Variants in RELT observed in about 807,000 individuals in gnomAD.
The protein encoded by RELT is RELT TNF receptor, also known as tumor necrosis factor receptor superfamily member 19L.
A neutral mutation model predicts 51.1 loss-of-function variants in RELT; 37 were observed. That is an observed-to-expected ratio of 0.72 (90% CI 0.56 to 0.95). The LOEUF (loss-of-function observed/expected upper bound fraction) is 0.95. Ranked by LOEUF, RELT falls within the 40% of genes least tolerant of loss-of-function variation. The pLI, the probability that RELT is intolerant of heterozygous loss-of-function variation, is 0.00. For synonymous variants in RELT, 241 were observed against 235.7 expected (o/e 1.02, Z -0.21); for missense variants, 535 against 572.6 (o/e 0.93, Z 0.67).
In RELT at chr11:73,389,151, G is replaced by C; in HGVS notation, c.15G>C (p.Leu5=). MKPS[L]LCRPLSCFLM... The stretch of plus-strand genomic sequence containing the variant: ...GGGGCCTGAGGATGAAGCCAAGTCT[G>C]CTGTGCCGGCCCCTGTCCTGCTTCC... The change falls in exon 2 of 11, where the codon CTG becomes CTC. Residue 5 remains leucine (L), a synonymous_variant. Coordinates refer to ENST00000064780, the MANE Select transcript of RELT (RefSeq NM_152222.2). The C allele has an allele frequency of 6.4e-7, 1 of 1,551,678 alleles. No individual in the cohort carries two copies. The highest frequency in any genetic ancestry group is 8.7e-7 in the Non-Finnish European group (1 of 1,148,240).
chr11:73,387,669 G>A (rs1866146491), intron 1 of RELT, among the ~76,000 whole-genome samples: 1 of 152,196 alleles, frequency 6.6e-6, no homozygotes, highest in Admixed American at 6.5e-5. Flanking sequence ...CCTCCCCTGA[G>A]TGTAACTCAA....
At chr11:73,390,967 G>A in intron 4 of RELT, 46 bp downstream of exon 4, 1 of 1,594,756 alleles carries the variant, frequency 6.3e-7, no homozygotes, top group Non-Finnish European at 8.5e-7. Context: ...GGGTGACCAG[G>A]ACTCTGGATC....
intron 5 of RELT, chr11:73,391,847 G>A: frequency 2.6e-6 from 1 of 390,682 alleles, no homozygotes; most frequent in Admixed American, 3.8e-5. Flanking sequence ...TCCCGCCACT[G>A]AGTCAGTCAC....
intron 1 of RELT, among the ~76,000 whole-genome samples, chr11:73,379,066 G>T (rs947472511): frequency 6.6e-6 from 1 of 152,160 alleles, no homozygotes; most frequent in African/African-American, 2.4e-5. Flanking sequence ...ACCCCTTTTG[G>T]CTCTGACCAC....
intron 1 of RELT, among the ~76,000 whole-genome samples, chr11:73,378,470 C>T (rs886358534): frequency 9.2e-5 from 14 of 152,312 alleles, no homozygotes; most frequent in East Asian, 3.9e-4. Flanking sequence ...ATCAGAGAAG[C>T]AAAGTGACTT....
rs573798603 is a variant in RELT at position 73,392,013 on chromosome 11, C to G, written c.368-198C>G. On this transcript the variant is annotated intron_variant, in intron 5 of 10. Coordinates refer to ENST00000064780, the MANE Select transcript of RELT (RefSeq NM_152222.2). ...CTGGCCGTCCTGAGGAGGCCTTGTTCAGGACAATGCTTCGATGGCCAGAAG... is the reference window on the plus strand; with the variant it reads ...CTGGCCGTCCTGAGGAGGCCTTGTTGAGGACAATGCTTCGATGGCCAGAAG... The G allele has an allele frequency of 1.7e-5, 11 of 662,662 alleles. No individual in the cohort carries two copies. The East Asian group carries it at 3.0e-4, about 18-fold the overall frequency. 41.0% of individuals were successfully genotyped at this position (662,662 alleles called of 1,614,324 possible). A position where few individuals can be genotyped will look rare whatever the true frequency, so the allele number is the denominator to read the frequency against.
rs1019685544 is a variant in RELT, at chr11:73,388,052, T to G, written c.-25-1060T>G. ...CTGATGTGAATCCTTTGTCCTGCTG[T>G]GTCCGCCTCGTCCACTGGCCGGAGG... On this transcript the variant is annotated intron_variant, in intron 1 of 10. Transcript: ENST00000064780. The surrounding 1 kb of genome is among the most constrained non-coding windows in gnomAD (Gnocchi z 4.1). Among the ~76,000 whole-genome samples, 1 of 152,228 alleles carries G rather than the reference T, an allele frequency of 6.6e-6. No homozygotes were observed. Among genetic ancestry groups the G allele is most frequent in the Non-Finnish European group, 1.5e-5 (1 of 68,032 alleles).
At chr11:73,376,972 G>A (rs925750290) in intron 1 of RELT, 1 of 153,204 alleles carries the variant, frequency 6.5e-6, no homozygotes, top group Non-Finnish European at 1.5e-5. Flanking sequence ...GTGACACGGC[G>A]CGTGAGGCGG....
At position 73,390,620 on chromosome 11, in the gene RELT, G is replaced by C. The variant is rs149806104; in HGVS notation, c.115G>C (p.Asp39His). 54 of 1,613,660 alleles carry C rather than the reference G, an allele frequency of 3.3e-5. 1 individual carries two copies. In the African/African-American group the frequency reaches 6.5e-4, roughly 20 times the overall value. Residue 39 changes from aspartate to histidine, a missense_variant, in exon 3 of 11, where the codon GAC becomes CAC. Coordinates refer to ENST00000064780, the MANE Select transcript of RELT (RefSeq NM_152222.2). The stretch of plus-strand genomic sequence containing the variant: ...GCAGTGCCCACCTGGGGAGGAGCCC[G>C]ACCTGGTGAGCATTGCCCTGCTCTC... ...LWQCPPGEEP[D>H]LDPGQGTLCR...
rs189277708 is a variant in RELT at position 73,395,168 on chromosome 11, G to A, written c.1128G>A (p.Ser376=). 4.3e-5 allele frequency: 69 copies of A among 1,613,428 alleles called. No individual in the cohort carries two copies. Among genetic ancestry groups the A allele is most frequent in the Admixed American group, 3.3e-4 (20 of 60,028 alleles). The part of the protein sequence containing the change: ...EVKTITEAGP[S]WGDLPDSPQP... ...AGACCATCACGGAGGCTGGGCCCTCGTGGGGTGATCTCCCTGACTCCCCAC... is the reference window on the plus strand; with the variant it reads ...AGACCATCACGGAGGCTGGGCCCTCATGGGGTGATCTCCCTGACTCCCCAC... The change falls in exon 10 of 11, where the codon TCG becomes TCA. Residue 376 remains serine (S), a synonymous_variant. Transcript: ENST00000064780.
At position 73,396,714 on chromosome 11, in the gene RELT, G is replaced by C. The variant is rs1408100636; in HGVS notation, c.*1223G>C. 6.6e-6 allele frequency: 1 copy of C among 152,278 alleles called. No individual in the cohort carries two copies. Among genetic ancestry groups the C allele is most frequent in the African/African-American group, 2.4e-5 (1 of 41,442 alleles). 9.4% of individuals were successfully genotyped at this position (152,278 alleles called of 1,614,324 possible). On this transcript the variant is annotated 3_prime_UTR_variant, in exon 11 of 11. Coordinates refer to ENST00000064780, the MANE Select transcript of RELT (RefSeq NM_152222.2). ...GTTCCACTTGTACCTGTCCAGCCCT[G>C]CCCTGTGTTGGGCACCGTGACAGGC...
rs1347624761 is a variant in RELT, at chr11:73,389,114, C to T, written c.-23C>T. 7 of 1,535,192 alleles carry T rather than the reference C, an allele frequency of 4.6e-6. No homozygotes were observed. Among genetic ancestry groups the T allele is most frequent in the Admixed American group, 1.9e-5 (1 of 51,314 alleles). On this transcript the variant is annotated splice_region_variant and 5_prime_UTR_variant, in exon 2 of 11. Transcript: ENST00000064780. ...AGCCTCCTCTCCATCTGCCCTAGGC[C>T]GGCGACCACCAGGGGCCTGAGGATG...
At chr11:73,377,830 G>A (rs1472590874) in intron 1 of RELT, among the ~76,000 whole-genome samples, 1 of 152,128 alleles carries the variant, frequency 6.6e-6, no homozygotes, top group Non-Finnish European at 1.5e-5. Context: ...CAGGCAGAAA[G>A]ACTGCAGTGG....
At position 73,395,492 on chromosome 11, in the gene RELT, G is replaced by A. The variant is rs199685145; in HGVS notation, c.*1G>A. 19 of 789,668 alleles carry A rather than the reference G, an allele frequency of 2.4e-5. No individual in the cohort carries two copies. The highest frequency in any genetic ancestry group is 3.5e-5 in the Non-Finnish European group (15 of 426,212). 48.9% of individuals were successfully genotyped at this position (789,668 alleles called of 1,614,324 possible). A position where few individuals can be genotyped will look rare whatever the true frequency, so the allele number is the denominator to read the frequency against. On this transcript the variant is annotated 3_prime_UTR_variant, in exon 11 of 11. Coordinates refer to ENST00000064780, the MANE Select transcript of RELT (RefSeq NM_152222.2). ...AAGTGAGAGCAACCTGGTCATCTGA[G>A]GGGCGGTCTAGTCTAAGGACACTGC... is the stretch of plus-strand genomic sequence containing the variant.
At chr11:73,391,610 T>C (rs898951393) in intron 5 of RELT, among the ~76,000 whole-genome samples, 2 of 152,026 alleles carry the variant, frequency 1.3e-5, no homozygotes, top group Non-Finnish European at 1.5e-5. Context: ...TTGGGCAACA[T>C]AGCAAGACCC....
In RELT at chr11:73,390,752, C is replaced by A. The variant is rs1168528880; in HGVS notation, c.121-3C>A. 3 of 1,606,700 alleles carry A rather than the reference C, an allele frequency of 1.9e-6. No homozygotes were observed. The highest frequency in any genetic ancestry group is 2.5e-6 in the Non-Finnish European group (3 of 1,176,642). ...CCATGCTCTCACCCTTTACCTCCCA[C>A]AGGACCCAGGGCAGGGCACATTATG... On this transcript the variant is annotated splice_region_variant and splice_polypyrimidine_tract_variant and intron_variant, in intron 3 of 10. Transcript: ENST00000064780.
intron 1 of RELT, among the ~76,000 whole-genome samples, chr11:73,387,744 C>T (rs1015493828): frequency 3.3e-5 from 5 of 152,158 alleles, no homozygotes; most frequent in African/African-American, 1.2e-4. Context: ...TCCTGGGCTG[C>T]TATTCTAGGT....
intron 1 of RELT, among the ~76,000 whole-genome samples, chr11:73,380,529 A>G (rs1590728871): frequency 2.0e-5 from 3 of 152,298 alleles, no homozygotes; most frequent in African/African-American, 4.8e-5. Flanking sequence ...ACCTCGACTC[A>G]GAGAGCAGCC....
chr11:73,381,340 C>T (rs185366548), intron 1 of RELT, among the ~76,000 whole-genome samples: 13 of 152,198 alleles, frequency 8.5e-5, no homozygotes, highest in African/African-American at 2.4e-4. Flanking sequence ...GGGGGACCTG[C>T]GCTTAGCCCA....
Sources: gnomAD v4.1 joint callset for allele counts (sites outside exome capture counted in the v4.1 genomes callset) on GRCh38, gnomAD v4.1.1 for gene constraint, Gnocchi (gnomAD v3.1) non-coding constraint, MANE v1.5 for transcripts, NCBI Gene and HGNC (gene_info 2026-07-23, HGNC 2026-07-21) for gene names.